TLR4: variants seen among roughly 807,000 people sequenced by gnomAD.
TLR4 encodes toll like receptor 4.
In TLR4, 17 loss-of-function variants were observed where a neutral mutation model predicts 27.4. That is an observed-to-expected ratio of 0.62 (90% CI 0.42 to 0.93). TLR4 has a LOEUF of 0.93. TLR4 is among the 40% of genes least tolerant of loss of function. TLR4 has a pLI of 0.00. For synonymous variants in TLR4, 363 were observed against 365.7 expected (o/e 0.99, Z 0.08); for missense variants, 926 against 962.3 (o/e 0.96, Z 0.50).
chr9:117,713,805 CA>C lies in TLR4; in HGVS notation c.1683del (p.Lys561AsnfsTer11). ...ACAGTCTCAATCACATAATGACTTC[CA>C]AAAAACAGGAACTACAGCATTTTCC... Reference protein sequence around the residue: ...DYSLNHIMTSKKQELQHFPSS... With the variant: ...DYSLNHIMTSXKQELQHFPSS... On this transcript the variant is annotated frameshift_variant, in exon 3 of 3. Coordinates refer to ENST00000355622, the MANE Select transcript of TLR4 (RefSeq NM_138554.5). LOFTEE classifies it high-confidence loss of function. The C allele has an allele frequency of 6.2e-7, 1 of 1,613,868 alleles. No homozygotes were observed. The highest frequency in any genetic ancestry group is 1.3e-5 in the African/African-American group (1 of 75,030).
At position 117,714,292 on chromosome 9, in the gene TLR4, A is replaced by G. The variant is rs56101219; in HGVS notation, c.2164A>G (p.Ile722Val). Residue 722 changes from isoleucine (I) to valine (V), a missense_variant, in exon 3 of 3, where the codon ATC (isoleucine) becomes GTC (valine). Transcript: ENST00000355622. ...TCCCGGTGTGGCCATTGCTGCCAAC[A>G]TCATCCATGAAGGTTTCCATAAAAG... ...FIPGVAIAAN[I>V]IHEGFHKSRK... The G allele has an allele frequency of 1.0e-4, 161 of 1,593,140 alleles. 1 individual carries two copies. In the South Asian group the frequency reaches 1.8e-3, roughly 17 times the overall value.
At position 117,720,074 on chromosome 9, in the gene TLR4, C is replaced by T. The variant is rs754152720; in HGVS notation, c.*5426C>T. 2 of 151,888 alleles carry T rather than the reference C, an allele frequency of 1.3e-5. No individual in the cohort carries two copies. Among genetic ancestry groups the T allele is most frequent in the African/African-American group, 4.8e-5 (2 of 41,324 alleles). 9.4% of individuals were successfully genotyped at this position (151,888 alleles called of 1,614,324 possible). ...TAAGCTTTTGGTGCATGTCTGGCACCGTTTTAGTTGTATATTATTTCATTT... is the reference window on the plus strand; with the variant it reads ...TAAGCTTTTGGTGCATGTCTGGCACTGTTTTAGTTGTATATTATTTCATTT... On this transcript the variant is annotated 3_prime_UTR_variant, in exon 3 of 3. Transcript: ENST00000355622.
chr9:117,711,501 A>G (rs1212469420), intron 2 of TLR4, among the ~76,000 whole-genome samples: 1 of 152,106 alleles, frequency 6.6e-6, no homozygotes, highest in Non-Finnish European at 1.5e-5. Context: ...CTGGTTGGTA[A>G]ACCTCTGCCT....
At position 117,723,280 on chromosome 9, in the gene TLR4, G is replaced by A. The variant is rs186563888; in HGVS notation, c.*8632G>A. The A allele has an allele frequency of 1.4e-4, 22 of 152,226 alleles. No homozygotes were observed. The East Asian group carries it at 1.5e-3, about 11-fold the overall frequency. The allele number at this position is 152,226 out of a possible 1,614,324, so 9.4% of individuals were successfully genotyped here. ...CTATATCAAAACGGGAGACTCATTCGTCAAGTCATGATGTATCCATGTATT... is the reference window on the plus strand; with the variant it reads ...CTATATCAAAACGGGAGACTCATTCATCAAGTCATGATGTATCCATGTATT... On this transcript the variant is annotated 3_prime_UTR_variant, in exon 3 of 3. Coordinates refer to ENST00000355622, the MANE Select transcript of TLR4 (RefSeq NM_138554.5).
rs567112083 is a variant in TLR4, at chr9:117,721,760, A to T, written c.*7112A>T. Reference sequence around the variant, plus strand: ...ACAGACAGATTTGGGAATTACTGTTATAATGGAAAATGGAGAATAACCACC... The same window carrying T: ...ACAGACAGATTTGGGAATTACTGTTTTAATGGAAAATGGAGAATAACCACC... On this transcript the variant is annotated 3_prime_UTR_variant, in exon 3 of 3. Coordinates refer to ENST00000355622, the MANE Select transcript of TLR4 (RefSeq NM_138554.5). 6.6e-6 allele frequency: 1 copy of T among 152,244 alleles called. No individual in the cohort carries two copies. The highest frequency in any genetic ancestry group is 1.5e-5 in the Non-Finnish European group (1 of 68,040). 9.4% of individuals were successfully genotyped at this position (152,244 alleles called of 1,614,324 possible). A position where few individuals can be genotyped will look rare whatever the true frequency, so the allele number is the denominator to read the frequency against.
intron 1 of TLR4, among the ~76,000 whole-genome samples, chr9:117,706,866 A>G (rs1829144753): frequency 3.9e-5 from 6 of 152,226 alleles, no homozygotes; most frequent in Admixed American, 3.3e-4. Flanking sequence ...CTGTGAGTCC[A>G]TTGAAGTCTG....
Position 117,710,215 on chromosome 9 carries a change from C to T in TLR4, c.260+1486C>T, listed in dbSNP as rs1829208337. On this transcript the variant is annotated intron_variant, in intron 2 of 2. Coordinates refer to ENST00000355622, the MANE Select transcript of TLR4 (RefSeq NM_138554.5). ...TTAGTTTTTCAACCCTTGCTGCTTT[C>T]TCTCTATCCCCTCTCTAGTAATCCC... is the stretch of plus-strand genomic sequence containing the variant. Among the ~76,000 whole-genome samples the T allele has an allele frequency of 2.0e-5, 3 of 152,126 alleles. No individual in the cohort carries two copies. In the South Asian group the frequency reaches 6.2e-4, roughly 32 times the overall value.
intron 2 of TLR4, 132 bp from the exon 3 acceptor site, chr9:117,712,257 A>G (rs935953004): frequency 3.4e-6 from 3 of 878,208 alleles, no homozygotes; most frequent in African/African-American, 3.3e-5. Flanking sequence ...GTCCTGCTTG[A>G]TGTCTTTGCC....
chr9:117,707,091 G>C (rs893427148), intron 1 of TLR4, among the ~76,000 whole-genome samples: 3 of 152,188 alleles, frequency 2.0e-5, no homozygotes, highest in Admixed American at 1.3e-4. Context: ...TACAGGAGAT[G>C]AACAATACGA....
chr9:117,710,118 T>A (rs1357644443), intron 2 of TLR4, among the ~76,000 whole-genome samples: 1 of 152,148 alleles, frequency 6.6e-6, no homozygotes, highest in East Asian at 1.9e-4. Flanking sequence ...TTTACATGGT[T>A]ATATTGCGTA....
At position 117,715,880 on chromosome 9, in the gene TLR4, T is replaced by C. The variant is rs1428263451; in HGVS notation, c.*1232T>C. 6.6e-6 allele frequency: 1 copy of C among 152,062 alleles called. No individual in the cohort carries two copies. The highest frequency in any genetic ancestry group is 1.5e-5 in the Non-Finnish European group (1 of 68,024). 9.4% of individuals were successfully genotyped at this position (152,062 alleles called of 1,614,324 possible). A position where few individuals can be genotyped will look rare whatever the true frequency, so the allele number is the denominator to read the frequency against. ...GTGGATGTTATCATTGAGAAAACAA[T>C]GTGTCTGGAATTAATGGGGTTCTTA... On this transcript the variant is annotated 3_prime_UTR_variant, in exon 3 of 3. Transcript: ENST00000355622.
chr9:117,704,995 T>G (rs1375967722), intron 1 of TLR4, among the ~76,000 whole-genome samples: 1 of 152,112 alleles, frequency 6.6e-6, no homozygotes, highest in Non-Finnish European at 1.5e-5. Context: ...CCTTTCAATC[T>G]CAGGAAAAAG....
Position 117,723,303 on chromosome 9 carries a change from A to G in TLR4, c.*8655A>G, listed in dbSNP as rs1005534126. On this transcript the variant is annotated 3_prime_UTR_variant, in exon 3 of 3. Coordinates refer to ENST00000355622, the MANE Select transcript of TLR4 (RefSeq NM_138554.5). The stretch of plus-strand genomic sequence containing the variant: ...TCGTCAAGTCATGATGTATCCATGT[A>G]TTTATAATATTTCCCATGTTCCCTC... The G allele has an allele frequency of 6.6e-6, 1 of 152,198 alleles. No individual in the cohort carries two copies. The highest frequency in any genetic ancestry group is 1.5e-5 in the Non-Finnish European group (1 of 68,034). The allele number at this position is 152,198 out of a possible 1,614,324, so 9.4% of individuals were successfully genotyped here. A position where few individuals can be genotyped will look rare whatever the true frequency, so the allele number is the denominator to read the frequency against.
In TLR4 at chr9:117,714,771, T is replaced by C; in HGVS notation, c.*123T>C. ...ATGCTAAGGGTGAGTAATTCCATGG[T>C]GCACTAGATATGCAGGGCTGCTAAT... On this transcript the variant is annotated 3_prime_UTR_variant, in exon 3 of 3. Coordinates refer to ENST00000355622, the MANE Select transcript of TLR4 (RefSeq NM_138554.5). The C allele has an allele frequency of 1.2e-6, 1 of 830,540 alleles. No individual in the cohort carries two copies. Among genetic ancestry groups the C allele is most frequent in the Non-Finnish European group, 2.0e-6 (1 of 502,674 alleles). The allele number at this position is 830,540 out of a possible 1,614,324, so 51.4% of individuals were successfully genotyped here. A position where few individuals can be genotyped will look rare whatever the true frequency, so the allele number is the denominator to read the frequency against.
At position 117,713,441 on chromosome 9, in the gene TLR4, G is replaced by A. The variant is rs142298021; in HGVS notation, c.1313G>A (p.Ser438Asn). The stretch of plus-strand genomic sequence containing the variant: ...CAGCATTCCAATTTGAAACAAATGA[G>A]TGAGTTTTCAGTATTCCTATCACTC... Reference protein sequence around the residue: ...DFQHSNLKQMSEFSVFLSLRN... With the variant: ...DFQHSNLKQMNEFSVFLSLRN... Residue 438 changes from serine (S) to asparagine (N), a missense_variant, in exon 3 of 3, where the codon AGT (serine) becomes AAT (asparagine). Transcript: ENST00000355622. 1.0e-4 allele frequency: 168 copies of A among 1,613,940 alleles called. No homozygotes were observed. Among genetic ancestry groups the A allele is most frequent in the Non-Finnish European group, 1.4e-4 (166 of 1,179,974 alleles).
chr9:117,712,487 G>C lies in TLR4; in HGVS notation c.359G>C (p.Gly120Ala). The change falls in exon 3 of 3, where the codon GGA becomes GCA. Residue 120 changes from glycine (G) to alanine (A), a missense_variant. Physicochemically the swap from Gly to Ala is moderately conservative, Grantham distance 60 (BLOSUM62 0). Transcript: ENST00000355622. The stretch of plus-strand genomic sequence containing the variant: ...AACCCCATCCAGAGTTTAGCCCTGG[G>C]AGCCTTTTCTGGACTATCAAGTTTA... ...TGNPIQSLAL[G>A]AFSGLSSLQK... is the part of the protein sequence containing the mutation. 6.2e-7 allele frequency: 1 copy of C among 1,613,838 alleles called. No individual in the cohort carries two copies. Among genetic ancestry groups the C allele is most frequent in the South Asian group, 1.1e-5 (1 of 91,074 alleles).
At position 117,714,310 on chromosome 9, in the gene TLR4, C is replaced by T. The variant is rs1829301453; in HGVS notation, c.2182C>T (p.His728Tyr). The T allele has an allele frequency of 6.3e-7, 1 of 1,593,598 alleles. No homozygotes were observed. ...IAANIIHEGF[H>Y]KSRKVIVVVS... ...TGCCAACATCATCCATGAAGGTTTC[C>T]ATAAAAGCCGAAAGGTGATTGTTGT... The change falls in exon 3 of 3, where the codon CAT (histidine) becomes TAT (tyrosine). Residue 728 changes from histidine to tyrosine, a missense_variant. Physicochemically the swap from His to Tyr is moderately conservative, Grantham distance 83 (BLOSUM62 2). Coordinates refer to ENST00000355622, the MANE Select transcript of TLR4 (RefSeq NM_138554.5).
In TLR4 at chr9:117,709,009, C is replaced by T. The variant is rs11536874; in HGVS notation, c.260+280C>T. 5.6e-3 allele frequency: 2,193 copies of T among 388,388 alleles called. 39 individuals carry two copies. Among genetic ancestry groups the T allele is most frequent in the African/African-American group, 0.041 (2,025 of 48,810 alleles). 24.1% of individuals were successfully genotyped at this position (388,388 alleles called of 1,614,324 possible). A position where few individuals can be genotyped will look rare whatever the true frequency, so the allele number is the denominator to read the frequency against. On this transcript the variant is annotated intron_variant, in intron 2 of 2. Transcript: ENST00000355622. ...ACAGGAGAGAAAATTAGCTTAAATT[C>T]TTTCATAAGCAGCTATTTATTGACT...
rs1020199512 is a variant in TLR4 at position 117,704,953 on chromosome 9, C to T, written c.93+388C>T. ...AGTGTCATTTCTTCCCACTGGTGGT[C>T]TTTACACTCAGCTTCAAGCAGTCAC... On this transcript the variant is annotated intron_variant, in intron 1 of 2. Coordinates refer to ENST00000355622, the MANE Select transcript of TLR4 (RefSeq NM_138554.5). Among the ~76,000 whole-genome samples the T allele has an allele frequency of 5.3e-5, 8 of 152,248 alleles. No individual in the cohort carries two copies. The South Asian group carries it at 1.7e-3, about 32-fold the overall frequency.
Sources: gnomAD v4.1 joint callset for allele counts (sites outside exome capture counted in the v4.1 genomes callset) on GRCh38, gnomAD v4.1.1 for gene constraint, MANE v1.5 for transcripts, NCBI Gene and HGNC (gene_info 2026-07-23, HGNC 2026-07-21) for gene names.